Variants in TBCK observed in about 807,000 individuals in gnomAD.
TBCK encodes TBC domain-containing protein kinase-like protein.
A neutral mutation model predicts 113.4 loss-of-function variants in TBCK; 99 were observed. The ratio of observed to expected loss-of-function variants is 0.87; its 90% CI spans 0.74 to 1.03. TBCK has a LOEUF of 1.03. TBCK is among the 50% of genes least tolerant of loss of function. The pLI is 0.00. For synonymous variants in TBCK, 369 were observed against 370.8 expected (o/e 1.00, Z 0.05); for missense variants, 1,045 against 1,061.3 (o/e 0.98, Z 0.21).
intron 24 of TBCK, among the ~76,000 whole-genome samples, chr4:106,103,405 C>T (rs1233993254): frequency 6.6e-6 from 1 of 152,186 alleles, no homozygotes; most frequent in Non-Finnish European, 1.5e-5. Flanking sequence ...ATGCATGTCT[C>T]ACTGACTCAT....
At chr4:106,144,822 G>A (rs1178982439) in intron 23 of TBCK, among the ~76,000 whole-genome samples, 2 of 151,746 alleles carry the variant, frequency 1.3e-5, no homozygotes, top group African/African-American at 2.4e-5. Flanking sequence ...TTGGGAGTTC[G>A]AGACCAGCCT....
intron 23 of TBCK, among the ~76,000 whole-genome samples, chr4:106,131,724 T>C (rs997907213): frequency 6.6e-6 from 1 of 152,024 alleles, no homozygotes; most frequent in South Asian, 2.1e-4. Context: ...CAGACAGAAG[T>C]TGGAACAGTT....
chr4:106,069,869 A>G (rs756405033), intron 25 of TBCK, among the ~76,000 whole-genome samples: 12 of 152,082 alleles, frequency 7.9e-5, no homozygotes, highest in Admixed American at 1.3e-4. Flanking sequence ...CATCTCTTGT[A>G]AGTTGGATTC....
intron 5 of TBCK, among the ~76,000 whole-genome samples, chr4:106,257,579 A>G (rs1432439663): frequency 6.6e-6 from 1 of 152,052 alleles, no homozygotes; most frequent in East Asian, 1.9e-4. Flanking sequence ...TGGTGATACC[A>G]GTATCTTCTT....
upstream of TBCK, chr4:106,316,501 C>T (rs1277594606): frequency 2.6e-6 from 4 of 1,535,844 alleles, no homozygotes; most frequent in Admixed American, 2.0e-5. Flanking sequence ...AAGGACACCT[C>T]ATTGGGTCCT....
chr4:106,313,586 C>A (rs148831749), intron 1 of TBCK, among the ~76,000 whole-genome samples: 2 of 152,238 alleles, frequency 1.3e-5, no homozygotes, highest in African/African-American at 4.8e-5. Context: ...AGCCCAATAA[C>A]AGAAGATGAG....
chr4:106,104,272 C>T (rs1417038765), intron 24 of TBCK, among the ~76,000 whole-genome samples: 1 of 152,228 alleles, frequency 6.6e-6, no homozygotes, highest in Admixed American at 6.5e-5. Flanking sequence ...ATAAGACCTA[C>T]TGGCTTGGGA....
intron 3 of TBCK, among the ~76,000 whole-genome samples, chr4:106,293,463 C>T (rs1765933904): frequency 6.6e-6 from 1 of 152,054 alleles, no homozygotes; most frequent in African/African-American, 2.4e-5. Flanking sequence ...TTATATATTA[C>T]AATATAATAA....
At chr4:106,269,868 A>G (rs1763315531) in intron 3 of TBCK, among the ~76,000 whole-genome samples, 1 of 152,178 alleles carries the variant, frequency 6.6e-6, no homozygotes, top group Non-Finnish European at 1.5e-5. Flanking sequence ...ACTTGGTAAA[A>G]TCAAATACAT....
rs192912136 is a variant in TBCK, at chr4:106,048,839, A to T, written c.2572-2159T>A. Among the ~76,000 whole-genome samples the T allele has an allele frequency of 2.0e-5, 3 of 152,276 alleles. No homozygotes were observed. The East Asian group carries it at 5.8e-4, about 29-fold the overall frequency. On this transcript the variant is annotated intron_variant, in intron 25 of 25. Coordinates refer to ENST00000394708, the MANE Select transcript of TBCK (RefSeq NM_001163435.3). ...TATTGTAAGGAAGTCCCTAACAACC[A>T]GGCTGCTACTGAGCTGGAAAATGGT...
chr4:106,236,915 C>G lies in TBCK; in HGVS notation c.1171-107G>C, dbSNP rs527318523. On this transcript the variant is annotated intron_variant, in intron 12 of 25. Transcript: ENST00000394708. Reference sequence around the variant, plus strand: ...AACAACTATAAATTTATAAAGGGACCTAGAAAAGTATAAAATAGAGTCTAA... The same window carrying G: ...AACAACTATAAATTTATAAAGGGACGTAGAAAAGTATAAAATAGAGTCTAA... 281 of 528,586 alleles carry G rather than the reference C, an allele frequency of 5.3e-4. 1 individual carries two copies. The highest frequency in any genetic ancestry group is 7.1e-5 in the Non-Finnish European group (23 of 325,078). The allele number at this position is 528,586 out of a possible 1,614,324, so 32.7% of individuals were successfully genotyped here.
intron 19 of TBCK, among the ~76,000 whole-genome samples, chr4:106,220,954 C>T (rs1171600426): frequency 6.6e-6 from 1 of 152,160 alleles, no homozygotes; most frequent in Non-Finnish European, 1.5e-5. Flanking sequence ...TTATTAACTT[C>T]TAAAAAGCAT....
intron 20 of TBCK, among the ~76,000 whole-genome samples, chr4:106,197,379 A>G (rs1009373323): frequency 3.7e-5 from 5 of 136,126 alleles, no homozygotes; most frequent in African/African-American, 1.4e-4. Flanking sequence ...CACAGAAAAC[A>G]TATCTGAGTG....
chr4:106,198,407 C>T (rs1754501371), intron 20 of TBCK, among the ~76,000 whole-genome samples: 1 of 152,082 alleles, frequency 6.6e-6, no homozygotes, highest in Admixed American at 6.5e-5. Flanking sequence ...CTTCCCTACA[C>T]ATGTTCTACT....
At chr4:106,208,977 G>A (rs1342618202) in intron 20 of TBCK, among the ~76,000 whole-genome samples, 2 of 152,156 alleles carry the variant, frequency 1.3e-5, no homozygotes, top group Non-Finnish European at 2.9e-5. Flanking sequence ...ATCTGGGCCA[G>A]AGCTCAAGCC....
intron 25 of TBCK, among the ~76,000 whole-genome samples, chr4:106,047,959 G>A (rs1370010547): frequency 2.0e-5 from 3 of 152,034 alleles, no homozygotes; most frequent in African/African-American, 7.2e-5. Context: ...TGCTCACAGT[G>A]CTATTGCTTC....
chr4:106,129,108 C>T (rs1479549244), intron 23 of TBCK, among the ~76,000 whole-genome samples: 1 of 152,136 alleles, frequency 6.6e-6, no homozygotes, highest in Admixed American at 6.6e-5. Flanking sequence ...TTCTATCTTA[C>T]ATAATACAGA....
intron 23 of TBCK, among the ~76,000 whole-genome samples, chr4:106,125,419 G>A (rs1007975933): frequency 2.0e-5 from 3 of 152,126 alleles, no homozygotes; most frequent in African/African-American, 4.8e-5. Flanking sequence ...ATCCTGCCGA[G>A]TGAGGTGGCC....
chr4:106,066,878 T>C (rs1380899109), intron 25 of TBCK, among the ~76,000 whole-genome samples: 1 of 152,056 alleles, frequency 6.6e-6, no homozygotes, highest in African/African-American at 2.4e-5. Flanking sequence ...TGGCTGAACA[T>C]TACACTGTAT....
Sources: gnomAD v4.1 joint callset for allele counts (sites outside exome capture counted in the v4.1 genomes callset) on GRCh38, gnomAD v4.1.1 for gene constraint, MANE v1.5 for transcripts, NCBI Gene and HGNC (gene_info 2026-07-23, HGNC 2026-07-21) for gene names.